HERC1: variants seen among roughly 807,000 people sequenced by gnomAD.
HERC1 encodes HECT and RLD domain containing E3 ubiquitin protein ligase family member 1.
Under a neutral mutation model 554.3 loss-of-function variants are expected in HERC1, and 160 were observed. That is an observed-to-expected ratio of 0.29 (90% CI 0.25 to 0.33). The LOEUF (loss-of-function observed/expected upper bound fraction) is 0.33, where lower values mean the gene tolerates loss of function less well. Among genes scored for constraint, HERC1 ranks in the 10% least tolerant of loss-of-function variants. HERC1 has a pLI of 1.00. For missense variants in HERC1, 4,919 were observed against 5,918.5 expected, an observed-to-expected ratio of 0.83 and a Z score of 5.54; for synonymous variants, 2,175 against 2,131.7, an observed-to-expected ratio of 1.02 and a Z score of -0.56.
Position 63,615,900 on chromosome 15 carries a change from A to C in HERC1, c.13962T>G (p.Phe4654Leu). The change falls in exon 76 of 78, where the codon TTT becomes TTG. Residue 4654 changes from phenylalanine (F) to leucine (L), a missense_variant. Phe to Leu is a conservative substitution (Grantham distance 22). This residue lies in a region of HERC1 where 284 missense variants were observed against 294.1 expected (regional missense o/e 0.97). Coordinates refer to ENST00000443617, the MANE Select transcript of HERC1 (RefSeq NM_003922.4). ...TTTTGCCATCAGCACTCTGGCCAAC[A>C]AAAGAATCAAGAGGAATCATCTAGG... ...SFHEMIPLDS[F>L]VGQSADGKMV... 1 of 1,595,848 alleles carries C rather than the reference A, an allele frequency of 6.3e-7. No individual in the cohort carries two copies. Among genetic ancestry groups the C allele is most frequent in the Non-Finnish European group, 8.5e-7 (1 of 1,173,066 alleles).
At chr15:63,772,039 T>C (rs2045451111) in intron 2 of HERC1, among the ~76,000 whole-genome samples, 3 of 152,062 alleles carry the variant, frequency 2.0e-5, no homozygotes, top group Admixed American at 6.6e-5. Context: ...GGAGAATCAC[T>C]TGAACCCGGG....
chr15:63,730,340 T>C (rs1028224937), intron 14 of HERC1, among the ~76,000 whole-genome samples: 5 of 151,876 alleles, frequency 3.3e-5, no homozygotes, highest in African/African-American at 9.7e-5. Flanking sequence ...ACACCTCTAG[T>C]CCCAGCTACT....
chr15:63,630,303 GAA>G (rs1233316612), intron 69 of HERC1, among the ~76,000 whole-genome samples, 161 bp downstream of exon 69: 1 of 152,240 alleles, frequency 6.6e-6, no homozygotes, highest in Non-Finnish European at 1.5e-5. Flanking sequence ...AGTCGAGAGA[GAA>G]AGACATAACT....
At chr15:63,802,375 A>G (rs565158891) in intron 1 of HERC1, among the ~76,000 whole-genome samples, 1 of 152,348 alleles carries the variant, frequency 6.6e-6, no homozygotes, top group African/African-American at 2.4e-5. Context: ...TGTTTTTGCT[A>G]CATCAATAAT....
intron 44 of HERC1, 65 bp from the exon 45 acceptor site, chr15:63,662,086 A>G: frequency 1.4e-6 from 2 of 1,443,844 alleles, no homozygotes; most frequent in Non-Finnish European, 1.9e-6. Flanking sequence ...AGTACCAAGT[A>G]GATTATTTAT....
intron 26 of HERC1, among the ~76,000 whole-genome samples, chr15:63,697,881 A>C (rs1320802832): frequency 6.6e-6 from 1 of 152,206 alleles, no homozygotes; most frequent in East Asian, 1.9e-4. Flanking sequence ...TCAAGGAGAG[A>C]AGAATTAATC....
chr15:63,617,005 T>C (rs993576077), intron 74 of HERC1, among the ~76,000 whole-genome samples: 6 of 150,886 alleles, frequency 4.0e-5, no homozygotes, highest in African/African-American at 1.2e-4. Flanking sequence ...AAAATCATTA[T>C]CTTTTTTTTT....
In HERC1 at chr15:63,678,174, A is replaced by G. The variant is rs1371294448; in HGVS notation, c.6741T>C (p.Cys2247=). The G allele has an allele frequency of 4.3e-6, 7 of 1,613,686 alleles. No individual in the cohort carries two copies. The highest frequency in any genetic ancestry group is 1.1e-5 in the South Asian group (1 of 91,070). ...TTAGCTTCTGACCTGACTCTTTAAT[A>G]CATATCTTAATTTTGTGAAGCCTTT... is the stretch of plus-strand genomic sequence containing the variant. ...MMERLHKIKI[C]IKESGQKLKK... is the part of the protein sequence containing the mutation. Residue 2247 remains cysteine (C), a synonymous_variant, in exon 37 of 78, where the codon TGT becomes TGC. Transcript: ENST00000443617.
Position 63,674,714 on chromosome 15 carries a change from T to C in HERC1, c.7474A>G (p.Met2492Val), listed in dbSNP as rs2071106543. The change falls in exon 38 of 78, where the codon ATG (methionine) becomes GTG (valine). Residue 2492 changes from methionine to valine, a missense_variant. Around this residue, in one of 11 missense-constraint regions of HERC1, gnomAD observed 1,963 missense variants for 2,228.6 expected, o/e 0.88. Coordinates refer to ENST00000443617, the MANE Select transcript of HERC1 (RefSeq NM_003922.4). Reference protein sequence around the residue: ...TEGKRKNHEHMSKNHDVAQSE... With the variant: ...TEGKRKNHEHVSKNHDVAQSE... ...TGGGCTACATCATGGTTTTTGGACA[T>C]GTGTTCATGATTTTTTCTTTTCCCT... 6.2e-6 allele frequency: 10 copies of C among 1,613,638 alleles called. No homozygotes were observed. Among genetic ancestry groups the C allele is most frequent in the East Asian group, 2.2e-5 (1 of 44,882 alleles).
intron 22 of HERC1, among the ~76,000 whole-genome samples, chr15:63,714,240 CA>C (rs1333564198): frequency 6.6e-6 from 1 of 151,912 alleles, no homozygotes; most frequent in Non-Finnish European, 1.5e-5. Flanking sequence ...TTAGTTACAA[CA>C]AAAAATTCCC....
rs544437711 is a variant in HERC1, at chr15:63,702,879, G to A, written c.4637-3883C>T. Among the ~76,000 whole-genome samples, 5 of 152,282 alleles carry A rather than the reference G, an allele frequency of 3.3e-5. No homozygotes were observed. In the South Asian group the frequency reaches 1.0e-3, roughly 32 times the overall value. On this transcript the variant is annotated intron_variant, in intron 25 of 77. Transcript: ENST00000443617. Reference sequence around the variant, plus strand: ...CCAGTACTTTGGGAGACCAAGGTGGGGGGATCACGAGGTCAGGAGTTCAAG... The same window carrying A: ...CCAGTACTTTGGGAGACCAAGGTGGAGGGATCACGAGGTCAGGAGTTCAAG...
chr15:63,762,075 C>T (rs2075629683), intron 3 of HERC1, among the ~76,000 whole-genome samples: 2 of 152,114 alleles, frequency 1.3e-5, no homozygotes, highest in Admixed American at 1.3e-4. Flanking sequence ...GAAACCAGGA[C>T]TTTTTTCAGA....
At chr15:63,709,881 C>A (rs1295868524) in intron 24 of HERC1, among the ~76,000 whole-genome samples, 2 of 152,198 alleles carry the variant, frequency 1.3e-5, no homozygotes, top group African/African-American at 4.8e-5. Flanking sequence ...AACAAACTGT[C>A]ATGGGACAAC....
intron 1 of HERC1, among the ~76,000 whole-genome samples, chr15:63,816,973 G>A (rs1189013873): frequency 6.6e-6 from 1 of 151,830 alleles, no homozygotes; most frequent in Admixed American, 6.6e-5. Flanking sequence ...CTCTTACTGA[G>A]AGGGAAAAAA....
chr15:63,731,836 T>C (rs2074307343), intron 14 of HERC1, among the ~76,000 whole-genome samples: 1 of 152,214 alleles, frequency 6.6e-6, no homozygotes, highest in Admixed American at 6.5e-5. Flanking sequence ...CATCTCTGGC[T>C]AGATGGGGTT....
At chr15:63,784,310 T>C (rs1005270793) in intron 1 of HERC1, among the ~76,000 whole-genome samples, 1 of 152,054 alleles carries the variant, frequency 6.6e-6, no homozygotes, top group African/African-American at 2.4e-5. Context: ...AGCCAGAAAG[T>C]AGTGAAACCA....
At chr15:63,617,787 T>G (rs2067888819) in intron 74 of HERC1, among the ~76,000 whole-genome samples, 1 of 152,194 alleles carries the variant, frequency 6.6e-6, no homozygotes. Context: ...TCATGTGTCT[T>G]TTGGCTGCAT....
At chr15:63,829,203 G>C (rs796464438) in intron 1 of HERC1, among the ~76,000 whole-genome samples, 45 of 152,046 alleles carry the variant, frequency 3.0e-4, no homozygotes, top group African/African-American at 1.0e-3. Flanking sequence ...AGAATAACTT[G>C]AGCTCAGGAG....
intron 1 of HERC1, among the ~76,000 whole-genome samples, chr15:63,800,024 C>T (rs2076928910): frequency 6.6e-6 from 1 of 152,044 alleles, no homozygotes; most frequent in Non-Finnish European, 1.5e-5. Flanking sequence ...GTCCTAGCTA[C>T]TGGGGAGGCT....
Sources: allele counts gnomAD v4.1 joint callset (sites outside exome capture counted in the v4.1 genomes callset), GRCh38; gene constraint gnomAD v4.1.1; regional missense constraint gnomAD v4.1.1; transcripts MANE v1.5; gene names NCBI Gene and HGNC (gene_info 2026-07-23, HGNC 2026-07-21).